Variants in LY86 observed in about 807,000 individuals in gnomAD.
The protein encoded by LY86 is lymphocyte antigen 86, also known as MD-1, RP105-associated.
A neutral mutation model predicts 17.3 loss-of-function variants in LY86; 20 were observed. The observed-to-expected ratio is 1.15, with a 90% CI of 0.81 to 1.68. The LOEUF (loss-of-function observed/expected upper bound fraction) is 1.68, where lower values mean the gene tolerates loss of function less well. Among genes scored for constraint, LY86 ranks in the 40% most tolerant of loss-of-function variants. The probability of loss-of-function intolerance (pLI) is 0.00; values close to 1 mark genes in which losing one functional copy is unlikely to be tolerated. For missense variants in LY86, 200 were observed against 191.9 expected (o/e 1.04, Z -0.25); for synonymous variants, 74 against 70.6 (o/e 1.05, Z -0.24).
At chr6:6,596,243 G>A (rs757900026) in intron 1 of LY86, among the ~76,000 whole-genome samples, 6 of 152,258 alleles carry the variant, frequency 3.9e-5, no homozygotes, top group Admixed American at 6.5e-5. Flanking sequence ...AAACAACCTC[G>A]CCATGTAGCA....
chr6:6,613,653 G>T (rs1761465682), intron 1 of LY86, among the ~76,000 whole-genome samples: 1 of 152,228 alleles, frequency 6.6e-6, no homozygotes, highest in Admixed American at 6.5e-5. Context: ...CGCAAGCTGA[G>T]GGAGCCGGCT....
chr6:6,608,324 A>T (rs1761248300), intron 1 of LY86, among the ~76,000 whole-genome samples: 1 of 152,236 alleles, frequency 6.6e-6, no homozygotes, highest in Non-Finnish European at 1.5e-5. Context: ...TTTGGGGACT[A>T]ATTTATTACA....
chr6:6,613,370 A>G (rs1761450263), intron 1 of LY86, among the ~76,000 whole-genome samples: 1 of 152,116 alleles, frequency 6.6e-6, no homozygotes, highest in Non-Finnish European at 1.5e-5. Flanking sequence ...ATAAGCTCAC[A>G]GCGGGGGAGT....
At chr6:6,642,952 C>T (rs552233179) in intron 3 of LY86, among the ~76,000 whole-genome samples, 1 of 152,332 alleles carries the variant, frequency 6.6e-6, no homozygotes, top group South Asian at 2.1e-4. Flanking sequence ...CACCTTGGTC[C>T]TCCATTCACC....
At chr6:6,631,435 T>C (rs769264187) in intron 3 of LY86, among the ~76,000 whole-genome samples, 16 of 152,126 alleles carry the variant, frequency 1.1e-4, no homozygotes, top group Non-Finnish European at 1.2e-4. Flanking sequence ...AGCCCTCCAC[T>C]AAGACCGGAA....
intron 1 of LY86, among the ~76,000 whole-genome samples, chr6:6,605,969 A>G (rs4959392): frequency 6.7e-6 from 1 of 149,412 alleles, no homozygotes; most frequent in Non-Finnish European, 1.5e-5. Flanking sequence ...GCGTGGACCC[A>G]AAGAGCGACC....
intron 1 of LY86, among the ~76,000 whole-genome samples, chr6:6,594,778 A>G (rs553735765): frequency 6.6e-6 from 1 of 152,254 alleles, no homozygotes; most frequent in Non-Finnish European, 1.5e-5. Context: ...AAGTCCTTCC[A>G]TTGACAAAGC....
At chr6:6,623,083 G>A (rs1317031771) in intron 1 of LY86, among the ~76,000 whole-genome samples, 1 of 152,186 alleles carries the variant, frequency 6.6e-6, no homozygotes, top group Admixed American at 6.5e-5. Flanking sequence ...TATTCTGCAG[G>A]TCTGGGTGCT....
intron 4 of LY86, among the ~76,000 whole-genome samples, chr6:6,652,453 G>C (rs528043764): frequency 6.6e-6 from 1 of 152,164 alleles, no homozygotes. Flanking sequence ...CCCACTCAGC[G>C]ATCATTCTCC....
At chr6:6,650,890 C>T (rs1413577601) in intron 4 of LY86, among the ~76,000 whole-genome samples, 2 of 152,094 alleles carry the variant, frequency 1.3e-5, no homozygotes, top group East Asian at 3.9e-4. Context: ...CCTCTCCCTC[C>T]CCACTCTGGT....
intron 3 of LY86, among the ~76,000 whole-genome samples, chr6:6,641,497 C>T (rs1762039127): frequency 6.6e-6 from 1 of 152,214 alleles, no homozygotes; most frequent in African/African-American, 2.4e-5. Flanking sequence ...CCTCTTGTCC[C>T]TGTCACTCAG....
At chr6:6,608,852 C>T (rs151211328) in intron 1 of LY86, among the ~76,000 whole-genome samples, 16 of 152,348 alleles carry the variant, frequency 1.1e-4, no homozygotes, top group South Asian at 2.1e-4. Context: ...GATTGTTCAA[C>T]GGGTGAACTC....
chr6:6,606,785 C>G (rs573720553), intron 1 of LY86, among the ~76,000 whole-genome samples: 2 of 152,254 alleles, frequency 1.3e-5, no homozygotes, highest in African/African-American at 4.8e-5. Context: ...GCGCGCAGCC[C>G]GGGTTCCCGC....
chr6:6,640,834 A>G (rs1247786221), intron 3 of LY86, among the ~76,000 whole-genome samples: 2 of 152,332 alleles, frequency 1.3e-5, no homozygotes, highest in African/African-American at 2.4e-5. Flanking sequence ...GAAAAATTCT[A>G]ATTTTATAAA....
chr6:6,622,075 A>G (rs1178685506), intron 1 of LY86, among the ~76,000 whole-genome samples: 1 of 152,214 alleles, frequency 6.6e-6, no homozygotes, highest in African/African-American at 2.4e-5. Context: ...AGGAAAGCTC[A>G]CCAAACCCTT....
intron 1 of LY86, among the ~76,000 whole-genome samples, chr6:6,611,666 C>T (rs1761337329): frequency 1.3e-5 from 2 of 152,232 alleles, no homozygotes; most frequent in African/African-American, 4.8e-5. Flanking sequence ...TCTCACCGCA[C>T]CTTGTGGCTA....
At chr6:6,628,530 TTC>T (rs1195964865) in intron 3 of LY86, among the ~76,000 whole-genome samples, 1 of 151,962 alleles carries the variant, frequency 6.6e-6, no homozygotes, top group Admixed American at 6.6e-5. Flanking sequence ...AAGTATCCCT[TTC>T]TCTCTCTGTC....
intron 1 of LY86, among the ~76,000 whole-genome samples, chr6:6,605,554 T>C (rs2113101514): frequency 6.6e-6 from 1 of 152,378 alleles, no homozygotes; most frequent in South Asian, 2.1e-4. Flanking sequence ...GGCAACGTGC[T>C]TCCCACGGAG....
chr6:6,609,872 T>G (rs1259711042), intron 1 of LY86, among the ~76,000 whole-genome samples: 1 of 152,104 alleles, frequency 6.6e-6, no homozygotes, highest in Non-Finnish European at 1.5e-5. Context: ...AATTCGTGCT[T>G]GTTCTGTAGG....
Sources: allele counts gnomAD v4.1 joint callset (sites outside exome capture counted in the v4.1 genomes callset), GRCh38; gene constraint gnomAD v4.1.1; transcripts MANE v1.5; gene names NCBI Gene and HGNC (gene_info 2026-07-23, HGNC 2026-07-21).